The following CHST12 variants were observed in gnomAD, a reference collection of about 807,000 sequenced individuals.
CHST12 encodes carbohydrate sulfotransferase 12, also known as carbohydrate (chondroitin 4) sulfotransferase 12.
In CHST12, 23 loss-of-function variants were observed where a neutral mutation model predicts 27.9. The ratio of observed to expected loss-of-function variants is 0.82; its 90% confidence interval spans 0.59 to 1.17. CHST12 has a LOEUF of 1.17. CHST12 is among the 50% of genes most tolerant of loss of function. The pLI is 0.00. For synonymous variants in CHST12, 322 were observed against 273.0 expected (o/e 1.18, Z -1.77); for missense variants, 682 against 603.0 (o/e 1.13, Z -1.37).
chr7:2,417,999 G>C (rs1781855117), intron 1 of CHST12, among the ~76,000 whole-genome samples: 1 of 152,272 alleles, frequency 6.6e-6, no homozygotes, highest in Non-Finnish European at 1.5e-5. Flanking sequence ...GTGTCTTCCA[G>C]AGCAGGATGG....
chr7:2,423,168 G>A (rs1221593622), intron 1 of CHST12, among the ~76,000 whole-genome samples: 1 of 152,130 alleles, frequency 6.6e-6, no homozygotes, highest in Admixed American at 6.6e-5. Flanking sequence ...AGCTATTTGG[G>A]AGGCTGAGGC....
chr7:2,410,141 G>C (rs2115387540), intron 1 of CHST12, among the ~76,000 whole-genome samples: 1 of 152,298 alleles, frequency 6.6e-6, no homozygotes, highest in South Asian at 2.1e-4. Context: ...AGTAGAGAGA[G>C]CAGTATTATA....
At chr7:2,421,852 C>A (rs1399911890) in intron 1 of CHST12, among the ~76,000 whole-genome samples, 7 of 152,132 alleles carry the variant, frequency 4.6e-5, no homozygotes, top group Admixed American at 3.9e-4. Flanking sequence ...AGGCATGAGC[C>A]ACCATAGCTG....
At chr7:2,425,691 C>CTTTTTTTTTT (rs760502452) in intron 1 of CHST12, among the ~76,000 whole-genome samples, 4 of 137,872 alleles carry the variant, frequency 2.9e-5, no homozygotes, top group African/African-American at 1.1e-4. Context: ...ACTGCATTTG[C>CTTTTTTTTTT]TTTTTTTTTT....
intron 1 of CHST12, among the ~76,000 whole-genome samples, chr7:2,410,157 T>C (rs533391306): frequency 1.3e-5 from 2 of 152,220 alleles, no homozygotes; most frequent in South Asian, 4.1e-4. Flanking sequence ...TTATACATCA[T>C]CCTTCACCTG....
rs191948095 is a variant in CHST12, at chr7:2,409,571, C to T, written c.-78+5898C>T. On this transcript the variant is annotated intron_variant, in intron 1 of 1. Transcript: ENST00000618655. Reference sequence around the variant, plus strand: ...GGTGGAGATTTTAGTGAGCTGAGATCGAGCCATCACACTCCACTCTAGCCT... The same window carrying T: ...GGTGGAGATTTTAGTGAGCTGAGATTGAGCCATCACACTCCACTCTAGCCT... 3.6e-3 allele frequency among the ~76,000 whole-genome samples: 540 copies of T among 150,458 alleles called. 3 individuals are homozygous for T. Among genetic ancestry groups the T allele is most frequent in the African/African-American group, 0.013 (518 of 40,816 alleles).
chr7:2,430,900 C>T (rs1361837121), intron 1 of CHST12, among the ~76,000 whole-genome samples: 1 of 152,206 alleles, frequency 6.6e-6, no homozygotes, highest in African/African-American at 2.4e-5. Context: ...GATTTCAATT[C>T]TTTTAAATTA....
chr7:2,404,845 A>G (rs1261072753), intron 1 of CHST12, among the ~76,000 whole-genome samples: 1 of 152,238 alleles, frequency 6.6e-6, no homozygotes, highest in Non-Finnish European at 1.5e-5. Flanking sequence ...AGCTGACTCC[A>G]GCTTTATTAT....
rs1322878240 is a variant in CHST12, at chr7:2,448,442, G to A, written c.*14558G>A. 1 of 152,274 alleles carries A rather than the reference G, an allele frequency of 6.6e-6. No homozygotes were observed. Among genetic ancestry groups the A allele is most frequent in the East Asian group, 1.9e-4 (1 of 5,196 alleles). 9.4% of individuals were successfully genotyped at this position (152,274 alleles called of 1,614,324 possible). The stretch of plus-strand genomic sequence containing the variant: ...CACAGAGCACCACGTCCTCTTCTGT[G>A]TCATATGCAGCTGGATCTCAGTAAA... On this transcript the variant is annotated 3_prime_UTR_variant, in exon 2 of 2. Coordinates refer to ENST00000618655, the MANE Select transcript of CHST12 (RefSeq NM_018641.5).
Position 2,438,268 on chromosome 7 carries a change from G to C in CHST12, c.*4384G>C, listed in dbSNP as rs1782520627. Reference sequence around the variant, plus strand: ...GTGTTTCCCTGCGGCAGAATGTTGGGGCCACACCAACGTCCCCAGAGTCTT... The same window carrying C: ...GTGTTTCCCTGCGGCAGAATGTTGGCGCCACACCAACGTCCCCAGAGTCTT... On this transcript the variant is annotated 3_prime_UTR_variant, in exon 2 of 2. Transcript: ENST00000618655. 2.0e-5 allele frequency: 3 copies of C among 152,196 alleles called. No individual in the cohort carries two copies. The highest frequency in any genetic ancestry group is 7.2e-5 in the African/African-American group (3 of 41,402). The allele number at this position is 152,196 out of a possible 1,614,324, so 9.4% of individuals were successfully genotyped here.
In CHST12 at chr7:2,436,496, GGTTT is replaced by G. The variant is rs1307379801; in HGVS notation, c.*2617_*2620del. 2.0e-5 allele frequency: 3 copies of G among 152,276 alleles called. No individual in the cohort carries two copies. Among genetic ancestry groups the G allele is most frequent in the African/African-American group, 7.2e-5 (3 of 41,452 alleles). The allele number at this position is 152,276 out of a possible 1,614,324, so 9.4% of individuals were successfully genotyped here. On this transcript the variant is annotated 3_prime_UTR_variant, in exon 2 of 2. Coordinates refer to ENST00000618655, the MANE Select transcript of CHST12 (RefSeq NM_018641.5). The stretch of plus-strand genomic sequence containing the variant: ...ATGTCCCATTGTGTGGAAGAGGCAT[GGTTT>G]GTTTATCTGTTCATCAGTTGGTGGA...
intron 1 of CHST12, among the ~76,000 whole-genome samples, chr7:2,409,619 C>T (rs1781611471): frequency 1.8e-5 from 1 of 56,678 alleles, no homozygotes; most frequent in Non-Finnish European, 3.2e-5. Flanking sequence ...AAGATCCTGT[C>T]TCAAAGAAAA....
chr7:2,426,429 A>G lies in CHST12; in HGVS notation c.-77-6134A>G, dbSNP rs551837706. 5.9e-5 allele frequency among the ~76,000 whole-genome samples: 9 copies of G among 152,208 alleles called. No homozygotes were observed. In the East Asian group the frequency reaches 1.5e-3, roughly 26 times the overall value. On this transcript the variant is annotated intron_variant, in intron 1 of 1. Coordinates refer to ENST00000618655, the MANE Select transcript of CHST12 (RefSeq NM_018641.5). ...GAGTAATTAAACATACACACCCCAA[A>G]TAAGCACACAGTTGCTGATGGGACC...
rs909237291 is a variant in CHST12 at position 2,445,923 on chromosome 7, G to A, written c.*12039G>A. The A allele has an allele frequency of 2.4e-4, 36 of 152,282 alleles. No homozygotes were observed. Among genetic ancestry groups the A allele is most frequent in the African/African-American group, 8.4e-4 (35 of 41,456 alleles). The allele number at this position is 152,282 out of a possible 1,614,324, so 9.4% of individuals were successfully genotyped here. A position where few individuals can be genotyped will look rare whatever the true frequency, so the allele number is the denominator to read the frequency against. On this transcript the variant is annotated 3_prime_UTR_variant, in exon 2 of 2. Coordinates refer to ENST00000618655, the MANE Select transcript of CHST12 (RefSeq NM_018641.5). ...TTTGAAGTCATGGGCTGAGCCAGAA[G>A]GAATTGTCATGATGTCAGTCTCATT...
In CHST12 at chr7:2,439,044, C is replaced by T. The variant is rs1481843950; in HGVS notation, c.*5160C>T. The T allele has an allele frequency of 1.3e-5, 2 of 152,234 alleles. No individual in the cohort carries two copies. The highest frequency in any genetic ancestry group is 2.4e-5 in the African/African-American group (1 of 41,456). The allele number at this position is 152,234 out of a possible 1,614,324, so 9.4% of individuals were successfully genotyped here. The stretch of plus-strand genomic sequence containing the variant: ...TCGGGGGCCGGGCCGGGGTGAGCAC[C>T]TGAAGCCGGCTCCACCTGCTCTTCT... On this transcript the variant is annotated 3_prime_UTR_variant, in exon 2 of 2. Transcript: ENST00000618655.
At chr7:2,419,401 CAAAAAAAAAAAAA>C (rs35870806) in intron 1 of CHST12, among the ~76,000 whole-genome samples, 1 of 113,090 alleles carries the variant, frequency 8.8e-6, no homozygotes, top group Non-Finnish European at 1.8e-5. Context: ...ACCCTGTCTC[CAAAAAAAAAAAAA>C]AAAAAAAAAT....
intron 1 of CHST12, among the ~76,000 whole-genome samples, chr7:2,409,000 T>G (rs1781596016): frequency 6.6e-6 from 1 of 152,152 alleles, no homozygotes; most frequent in Non-Finnish European, 1.5e-5. Flanking sequence ...TGGGGCGGGA[T>G]TAGTGATAAG....
intron 1 of CHST12, among the ~76,000 whole-genome samples, chr7:2,419,096 C>T (rs1781892178): frequency 6.6e-6 from 1 of 152,210 alleles, no homozygotes; most frequent in South Asian, 2.1e-4. Context: ...CCATGTCTGG[C>T]TGTCCAAACC....
chr7:2,432,782 C>T lies in CHST12; in HGVS notation c.143C>T (p.Pro48Leu), dbSNP rs756193680. ...TSFSRPHTGP[P>L]LPTPGPDRDR... ...TTCTCTAGGCCGCACACGGGGCCGC[C>T]GCTGCCCACGCCCGGGCCGGACAGG... The change falls in exon 2 of 2, where the codon CCG (proline) becomes CTG (leucine). Residue 48 changes from proline to leucine, a missense_variant. By Grantham distance (98) the Pro-to-Leu change is moderately conservative. Transcript: ENST00000618655. 16 of 1,613,604 alleles carry T rather than the reference C, an allele frequency of 9.9e-6. No homozygotes were observed. Among genetic ancestry groups the T allele is most frequent in the Admixed American group, 1.7e-5 (1 of 59,986 alleles).
Sources: allele counts gnomAD v4.1 joint callset (sites outside exome capture counted in the v4.1 genomes callset), GRCh38; gene constraint gnomAD v4.1.1; transcripts MANE v1.5; gene names NCBI Gene and HGNC (gene_info 2026-07-23, HGNC 2026-07-21).